Variants in KIRREL3 observed in about 807,000 individuals in gnomAD.
KIRREL3 encodes the protein kin of IRRE-like protein 3.
A neutral mutation model predicts 89.7 loss-of-function variants in KIRREL3; 36 were observed. That is an observed-to-expected ratio of 0.40 (90% confidence interval 0.31 to 0.53). The LOEUF is 0.53. KIRREL3 is among the 20% of genes least tolerant of loss of function. The pLI is 0.49. For missense variants in KIRREL3, 864 were observed against 1,056.6 expected (o/e 0.82, Z 2.53); for synonymous variants, 445 against 441.4 (o/e 1.01, Z -0.10).
At position 126,443,407 on chromosome 11, in the gene KIRREL3, CGCGATCAGAT is replaced by C. The variant is rs936222554; in HGVS notation, c.1252+1562_1252+1571del. Among the ~76,000 whole-genome samples, 2 of 152,136 alleles carry C rather than the reference CGCGATCAGAT, an allele frequency of 1.3e-5. No homozygotes were observed. The highest frequency in any genetic ancestry group is 2.9e-5 in the Non-Finnish European group (2 of 68,034). On this transcript the variant is annotated intron_variant, in intron 10 of 16. Transcript: ENST00000525144. This position sits in a 1 kb window ranked among gnomAD's most constrained non-coding sequence, Gnocchi z 7.3. ...CTGTGTTGCCATGGATATACGGAGG[CGCGATCAGAT>C]GCTGTTATTTTTAGCCCTGCAGTGC...
chr11:126,810,275 C>T (rs1951336979), intron 1 of KIRREL3, among the ~76,000 whole-genome samples: 1 of 152,192 alleles, frequency 6.6e-6, no homozygotes, highest in East Asian at 1.9e-4. Flanking sequence ...ACCTCTCCAG[C>T]AAGCCAGGAT....
At position 126,788,121 on chromosome 11, in the gene KIRREL3, T is replaced by C. The variant is rs1295338328; in HGVS notation, c.55+212334A>G. ...AGCCACGACAATATTCCGCCTCCCA[T>C]AGCATCTAAAATCTGCTAGACATTG... On this transcript the variant is annotated intron_variant, in intron 1 of 16. Transcript: ENST00000525144. This position sits in a 1 kb window ranked among gnomAD's most constrained non-coding sequence, Gnocchi z 4.1. Among the ~76,000 whole-genome samples, 1 of 152,160 alleles carries C rather than the reference T, an allele frequency of 6.6e-6. No individual in the cohort carries two copies. The highest frequency in any genetic ancestry group is 1.5e-5 in the Non-Finnish European group (1 of 68,026).
intron 1 of KIRREL3, among the ~76,000 whole-genome samples, chr11:126,863,723 G>A (rs1222594298): frequency 6.6e-6 from 1 of 152,138 alleles, no homozygotes; most frequent in Non-Finnish European, 1.5e-5. Context: ...GAACAAAGAG[G>A]TACAAAGAGG....
Position 126,562,933 on chromosome 11 carries a change from G to A in KIRREL3, c.56-21C>T. The stretch of plus-strand genomic sequence containing the variant: ...CAGCTCTGGAAGAGAAGCATAGGTG[G>A]GTGAGTTGGGAATGGGAACAGGTCA... On this transcript the variant is annotated intron_variant, in intron 1 of 16. Coordinates refer to ENST00000525144, the MANE Select transcript of KIRREL3 (RefSeq NM_032531.4). The surrounding 1 kb of genome is among the most constrained non-coding windows in gnomAD (Gnocchi z 4.7). 3 of 1,604,368 alleles carry A rather than the reference G, an allele frequency of 1.9e-6. No individual in the cohort carries two copies. Among genetic ancestry groups the A allele is most frequent in the Non-Finnish European group, 2.6e-6 (3 of 1,171,582 alleles).
Position 126,924,780 on chromosome 11 carries a change from C to A in KIRREL3, c.55+75675G>T, listed in dbSNP as rs1194184971. 3.9e-5 allele frequency among the ~76,000 whole-genome samples: 6 copies of A among 152,182 alleles called. No homozygotes were observed. Among genetic ancestry groups the A allele is most frequent in the African/African-American group, 1.4e-4 (6 of 41,432 alleles). On this transcript the variant is annotated intron_variant, in intron 1 of 16. Coordinates refer to ENST00000525144, the MANE Select transcript of KIRREL3 (RefSeq NM_032531.4). The surrounding 1 kb of genome is among the most constrained non-coding windows in gnomAD (Gnocchi z 4.7). ...AACTGGATGCCTGCTGTGTGCTCAT[C>A]CCTGCCCCATCAACACCCTCACCTC...
rs555116594 is a variant in KIRREL3, at chr11:126,710,159, C to T, written c.56-147247G>A. On this transcript the variant is annotated intron_variant, in intron 1 of 16. Coordinates refer to ENST00000525144, the MANE Select transcript of KIRREL3 (RefSeq NM_032531.4). The surrounding 1 kb of genome is among the most constrained non-coding windows in gnomAD (Gnocchi z 4.2). ...CTTATTCTACTATTCTGTCCTGTGT[C>T]CATCAGTAGATGGGCTGGCATCAGT... Among the ~76,000 whole-genome samples the T allele has an allele frequency of 6.6e-5, 10 of 152,312 alleles. No individual in the cohort carries two copies. Among genetic ancestry groups the T allele is most frequent in the African/African-American group, 2.4e-4 (10 of 41,562 alleles).
chr11:126,799,767 A>G (rs1040581802), intron 1 of KIRREL3, among the ~76,000 whole-genome samples: 1 of 152,122 alleles, frequency 6.6e-6, no homozygotes, highest in Non-Finnish European at 1.5e-5. Flanking sequence ...ATTAACTTCC[A>G]GTAGAATAAT....
chr11:126,472,991 A>ACCCCCC (rs1362960059), intron 5 of KIRREL3, among the ~76,000 whole-genome samples: 3 of 33,728 alleles, frequency 8.9e-5, no homozygotes, highest in Non-Finnish European at 1.5e-4. Context: ...CTCTCTACCT[A>ACCCCCC]ACCCCCAGCC....
rs949435122 is a variant in KIRREL3 at position 126,594,985 on chromosome 11, G to A, written c.56-32073C>T. ...CCTCGGACCCTCAGGGGCCTTCTGG[G>A]TTGTGAGGCGTGGGGCACCCCGTCC... On this transcript the variant is annotated intron_variant, in intron 1 of 16. Coordinates refer to ENST00000525144, the MANE Select transcript of KIRREL3 (RefSeq NM_032531.4). The surrounding 1 kb of genome is among the most constrained non-coding windows in gnomAD (Gnocchi z 5.0). Among the ~76,000 whole-genome samples the A allele has an allele frequency of 2.6e-5, 4 of 152,210 alleles. No individual in the cohort carries two copies. The highest frequency in any genetic ancestry group is 5.9e-5 in the Non-Finnish European group (4 of 68,040).
In KIRREL3 at chr11:126,970,289, G is replaced by A. The variant is rs1052268834; in HGVS notation, c.55+30166C>T. On this transcript the variant is annotated intron_variant, in intron 1 of 16. Transcript: ENST00000525144. The surrounding 1 kb of genome is among the most constrained non-coding windows in gnomAD (Gnocchi z 4.4). ...TTCTTAATTTGAGCTTTCTCAGGAAGTTCTCTTCTTTTCCTTCTTTTCTTC... is the reference window on the plus strand; with the variant it reads ...TTCTTAATTTGAGCTTTCTCAGGAAATTCTCTTCTTTTCCTTCTTTTCTTC... 1.3e-5 allele frequency among the ~76,000 whole-genome samples: 2 copies of A among 152,118 alleles called. No individual in the cohort carries two copies. The highest frequency in any genetic ancestry group is 2.9e-5 in the Non-Finnish European group (2 of 68,030).
Position 126,564,981 on chromosome 11 carries a change from C to T in KIRREL3, c.56-2069G>A, listed in dbSNP as rs988156463. ...CCTATTATATTTTTGCCATTGACTT[C>T]GTATGCCCATCTAAAGCACATCAGC... On this transcript the variant is annotated intron_variant, in intron 1 of 16. Transcript: ENST00000525144. The surrounding 1 kb of genome is among the most constrained non-coding windows in gnomAD (Gnocchi z 7.4). Among the ~76,000 whole-genome samples the T allele has an allele frequency of 5.3e-5, 8 of 152,172 alleles. No homozygotes were observed. Among genetic ancestry groups the T allele is most frequent in the African/African-American group, 9.7e-5 (4 of 41,442 alleles).
rs1364672616 is a variant in KIRREL3 at position 126,999,586 on chromosome 11, C to A, written c.55+869G>T. Reference sequence around the variant, plus strand: ...GGCATTCCAAAAGAGCGGGAAGGAGCCCATGTACTTGCCCCTCCAAACTCA... The same window carrying A: ...GGCATTCCAAAAGAGCGGGAAGGAGACCATGTACTTGCCCCTCCAAACTCA... On this transcript the variant is annotated intron_variant, in intron 1 of 16. Transcript: ENST00000525144. This position sits in a 1 kb window ranked among gnomAD's most constrained non-coding sequence, Gnocchi z 5.7. Among the ~76,000 whole-genome samples the A allele has an allele frequency of 6.6e-6, 1 of 152,204 alleles. No homozygotes were observed. Among genetic ancestry groups the A allele is most frequent in the African/African-American group, 2.4e-5 (1 of 41,440 alleles).
At chr11:126,960,076 A>C (rs1036453163) in intron 1 of KIRREL3, among the ~76,000 whole-genome samples, 16 of 152,130 alleles carry the variant, frequency 1.1e-4, no homozygotes, top group African/African-American at 3.9e-4. Context: ...TGAATGAATG[A>C]TTGAATGAAT....
rs965378560 is a variant in KIRREL3 at position 126,491,568 on chromosome 11, T to C, written c.434-18102A>G. On this transcript the variant is annotated intron_variant, in intron 4 of 16. Coordinates refer to ENST00000525144, the MANE Select transcript of KIRREL3 (RefSeq NM_032531.4). This position sits in a 1 kb window ranked among gnomAD's most constrained non-coding sequence, Gnocchi z 5.5. ...AGGCCATATCAGGAACACCTGCCCA[T>C]GTCTGTCCCCAGAGAGAAGACCCAG... is the stretch of plus-strand genomic sequence containing the variant. Among the ~76,000 whole-genome samples, 1 of 152,202 alleles carries C rather than the reference T, an allele frequency of 6.6e-6. No homozygotes were observed. Among genetic ancestry groups the C allele is most frequent in the Admixed American group, 6.5e-5 (1 of 15,284 alleles).
intron 1 of KIRREL3, among the ~76,000 whole-genome samples, chr11:126,634,557 G>T (rs181611732): frequency 1.3e-5 from 2 of 152,294 alleles, no homozygotes; most frequent in Admixed American, 1.3e-4. Context: ...GGCTGGAGAG[G>T]CTTGCGGGGA....
intron 12 of KIRREL3, among the ~76,000 whole-genome samples, chr11:126,436,247 C>T (rs900245471): frequency 1.3e-5 from 2 of 152,214 alleles, no homozygotes; most frequent in Non-Finnish European, 1.5e-5. Flanking sequence ...TGCAGGTCAT[C>T]TGAGCCCAGC....
intron 1 of KIRREL3, among the ~76,000 whole-genome samples, chr11:126,857,952 C>T (rs1233468658): frequency 1.3e-5 from 2 of 152,106 alleles, no homozygotes; most frequent in Admixed American, 6.5e-5. Context: ...CAGCCTTGCC[C>T]CAGACAGCCA....
chr11:126,519,187 C>A lies in KIRREL3; in HGVS notation c.433+2128G>T, dbSNP rs996130599. ...CATGCCACCGGAGAGGAAGGGGGAGCGAATGCCTTTTAGACATGACCTAAG... is the reference window on the plus strand; with the variant it reads ...CATGCCACCGGAGAGGAAGGGGGAGAGAATGCCTTTTAGACATGACCTAAG... On this transcript the variant is annotated intron_variant, in intron 4 of 16. Transcript: ENST00000525144. This position sits in a 1 kb window ranked among gnomAD's most constrained non-coding sequence, Gnocchi z 4.3. 6.6e-6 allele frequency among the ~76,000 whole-genome samples: 1 copy of A among 152,216 alleles called. No individual in the cohort carries two copies. The highest frequency in any genetic ancestry group is 1.5e-5 in the Non-Finnish European group (1 of 68,038).
chr11:126,952,201 C>T (rs1948793427), intron 1 of KIRREL3, among the ~76,000 whole-genome samples: 2 of 152,232 alleles, frequency 1.3e-5, no homozygotes, highest in South Asian at 4.2e-4. Context: ...GCCTGGCCTA[C>T]ACAGTGAGAC....
Sources: gnomAD v4.1 joint callset for allele counts (sites outside exome capture counted in the v4.1 genomes callset) on GRCh38, gnomAD v4.1.1 for gene constraint, Gnocchi (gnomAD v3.1) non-coding constraint, MANE v1.5 for transcripts, NCBI Gene and HGNC (gene_info 2026-07-23, HGNC 2026-07-21) for gene names.